Variants in TP63 observed in about 807,000 individuals in gnomAD.
TP63 encodes tumor protein 63.
TP63 carries 17 observed loss-of-function variants against 82.8 expected under a neutral mutation model. The observed-to-expected ratio is 0.21, with a 90% CI of 0.14 to 0.31. The LOEUF (loss-of-function observed/expected upper bound fraction) is 0.31. Among genes scored for constraint, TP63 ranks in the 10% least tolerant of loss-of-function variants. The pLI is 1.00. For missense variants in TP63, 648 were observed against 895.3 expected, an observed-to-expected ratio of 0.72 and a Z score of 3.52; for synonymous variants, 330 against 321.7, an observed-to-expected ratio of 1.03 and a Z score of -0.28.
At chr3:189,795,045 A>C (rs1012090131) in intron 3 of TP63, among the ~76,000 whole-genome samples, 2 of 152,028 alleles carry the variant, frequency 1.3e-5, no homozygotes, top group Non-Finnish European at 2.9e-5. Context: ...TACTAATAGC[A>C]CACCTTTTCA....
intron 1 of TP63, among the ~76,000 whole-genome samples, chr3:189,639,688 A>G (rs1207198579): frequency 1.3e-5 from 2 of 152,136 alleles, no homozygotes; most frequent in Non-Finnish European, 2.9e-5. Context: ...CATCATCATA[A>G]TGTTAAGACT....
intron 1 of TP63, among the ~76,000 whole-genome samples, chr3:189,635,638 C>T (rs2108608675): frequency 6.6e-6 from 1 of 152,188 alleles, no homozygotes; most frequent in South Asian, 2.1e-4. Flanking sequence ...TCCGAGTCCC[C>T]TGACTTTGAG....
chr3:189,886,480 G>A lies in TP63; in HGVS notation c.1436G>A (p.Ser479Asn), dbSNP rs1720458105. ...AGCATGAACAAGCTGCCTTCTGTGA[G>A]CCAGCTTATCAACCCTCAGCAGCGC... ...MNSMNKLPSV[S>N]QLINPQQRNA... Residue 479 changes from serine to asparagine, a missense_variant, in exon 11 of 14, where the codon AGC (serine) becomes AAC (asparagine). By Grantham distance (46) the Ser-to-Asn change is conservative. Transcript: ENST00000264731. 2 of 1,614,088 alleles carry A rather than the reference G, an allele frequency of 1.2e-6. No individual in the cohort carries two copies.
chr3:189,748,508 C>CAAAAAAAAAAAA (rs58926854), intron 3 of TP63, among the ~76,000 whole-genome samples: 33 of 31,252 alleles, frequency 1.1e-3, no homozygotes, highest in African/African-American at 1.9e-3. Flanking sequence ...AGGAAAACTA[C>CAAAAAAAAAAAA]AAAAAAAAAA....
chr3:189,665,274 T>C (rs2108660373), intron 1 of TP63, among the ~76,000 whole-genome samples: 1 of 152,274 alleles, frequency 6.6e-6, no homozygotes, highest in East Asian at 1.9e-4. Context: ...TCAGGGATTT[T>C]TATCTCAGAT....
In TP63 at chr3:189,866,309, A is replaced by AT. The variant is rs200408548; in HGVS notation, c.767-364dup. On this transcript the variant is annotated intron_variant, in intron 5 of 13. Transcript: ENST00000264731. ...GGGCAGCATTTTCTCAGTTAAACTGATTTTTTTTTAAATTAATTTGCTTAT... is the reference window on the plus strand; with the variant it reads ...GGGCAGCATTTTCTCAGTTAAACTGATTTTTTTTTTAAATTAATTTGCTTAT... Among the ~76,000 whole-genome samples, 835 of 151,946 alleles carry AT rather than the reference A, an allele frequency of 5.5e-3. 9 individuals carry two copies. The highest frequency in any genetic ancestry group is 0.019 in the African/African-American group (769 of 41,434).
the TP63 span, among the ~76,000 whole-genome samples, chr3:189,615,641 T>C: frequency 0.97 from 147,888 of 152,286 alleles, 71,963 homozygotes; most frequent in Middle Eastern, 1. Context: ...TGCTCCAGGC[T>C]TCCTTGTCTC....
chr3:189,828,407 T>C (rs763064141), intron 4 of TP63, among the ~76,000 whole-genome samples: 1 of 152,198 alleles, frequency 6.6e-6, no homozygotes, highest in Admixed American at 6.5e-5. Flanking sequence ...TGTAACATTT[T>C]CTAGACATTG....
At chr3:189,816,785 G>A (rs763159519) in intron 4 of TP63, among the ~76,000 whole-genome samples, 16 of 152,142 alleles carry the variant, frequency 1.1e-4, no homozygotes, top group African/African-American at 2.7e-4. Context: ...ACACAGAGGC[G>A]TAAAGGTAAT....
chr3:189,721,727 G>A (rs1443395793), intron 1 of TP63, among the ~76,000 whole-genome samples: 1 of 152,108 alleles, frequency 6.6e-6, no homozygotes, highest in Non-Finnish European at 1.5e-5. Flanking sequence ...AGGTGATTTC[G>A]ATTTGCTTAT....
chr3:189,613,916 C>T, the TP63 span, among the ~76,000 whole-genome samples: 7 of 152,184 alleles, frequency 4.6e-5, no homozygotes, highest in Non-Finnish European at 8.8e-5. Flanking sequence ...CAATATCTTA[C>T]TCCCATTGCA....
chr3:189,631,379 G>A, upstream of TP63: 5 of 1,536,150 alleles, frequency 3.3e-6, no homozygotes, highest in Non-Finnish European at 4.4e-6. Context: ...GGAGAGAAGT[G>A]CCTAAACTTC....
chr3:189,631,717 T>A lies in TP63; in HGVS notation c.62+140T>A. 2.6e-6 allele frequency: 4 copies of A among 1,560,570 alleles called. 1 individual carries two copies. The South Asian group carries it at 4.6e-5, about 18-fold the overall frequency. On this transcript the variant is annotated intron_variant, in intron 1 of 13. Coordinates refer to ENST00000264731, the MANE Select transcript of TP63 (RefSeq NM_003722.5). ...TATTATTTTGGACTTTCTGTGGACT[T>A]AAAGTGGTCTGTGGACATATTTTCT... is the stretch of plus-strand genomic sequence containing the variant.
intron 4 of TP63, among the ~76,000 whole-genome samples, chr3:189,851,511 G>A (rs543609573): frequency 6.6e-6 from 1 of 152,282 alleles, no homozygotes; most frequent in South Asian, 2.1e-4. Flanking sequence ...GGAGGCAGAG[G>A]TTGCCGTGAG....
At chr3:189,877,680 T>C (rs1465600388) in intron 10 of TP63, among the ~76,000 whole-genome samples, 1 of 152,172 alleles carries the variant, frequency 6.6e-6, no homozygotes, top group African/African-American at 2.4e-5. Context: ...AAGCAGGATC[T>C]CCAAGTCCAT....
chr3:189,726,257 A>G (rs1307975769), intron 1 of TP63, among the ~76,000 whole-genome samples: 1 of 152,146 alleles, frequency 6.6e-6, no homozygotes, highest in Non-Finnish European at 1.5e-5. Flanking sequence ...GAGGCTCAAC[A>G]CCTTGGTCTG....
chr3:189,810,935 A>G (rs1157527363), intron 4 of TP63, among the ~76,000 whole-genome samples: 19 of 152,244 alleles, frequency 1.2e-4, no homozygotes, highest in South Asian at 6.2e-4. Context: ...CCTCTCTCAG[A>G]GAAGTCAATT....
intron 3 of TP63, among the ~76,000 whole-genome samples, chr3:189,785,403 A>C (rs1376276745): frequency 6.6e-6 from 1 of 152,102 alleles, no homozygotes; most frequent in African/African-American, 2.4e-5. Flanking sequence ...CAAAAACTTC[A>C]CAATCTTGTT....
chr3:189,748,390 G>A (rs28817057), intron 3 of TP63, among the ~76,000 whole-genome samples: 61,147 of 151,126 alleles, frequency 0.4, 12,512 homozygotes, highest in East Asian at 0.51. Flanking sequence ...CTATACATCA[G>A]TAACAAACTA....
Sources: allele counts gnomAD v4.1 joint callset (sites outside exome capture counted in the v4.1 genomes callset), GRCh38; gene constraint gnomAD v4.1.1; transcripts MANE v1.5; gene names NCBI Gene and HGNC (gene_info 2026-07-23, HGNC 2026-07-21).